ZNF609: variants seen among roughly 807,000 people sequenced by gnomAD.
ZNF609 encodes the protein zinc finger protein 609.
Under a neutral mutation model 109.5 loss-of-function variants are expected in ZNF609, and 11 were observed. That is an observed-to-expected ratio of 0.10 (90% CI 0.06 to 0.17). The LOEUF is 0.17. Among genes scored for constraint, ZNF609 ranks in the 10% least tolerant of loss-of-function variants. ZNF609 has a pLI of 1.00. For missense variants in ZNF609, 1,559 were observed against 1,772.4 expected, an observed-to-expected ratio of 0.88 and a Z score of 2.16; for synonymous variants, 646 against 662.0, an observed-to-expected ratio of 0.98 and a Z score of 0.37.
chr15:64,680,972 C>G, intron 8 of ZNF609, 110 bp downstream of exon 8: 1 of 1,289,330 alleles, frequency 7.8e-7, no homozygotes, highest in South Asian at 1.5e-5. Context: ...TCATAAGAAT[C>G]CTTTTTTAAT....
At chr15:64,578,729 T>G (rs1369327374) in intron 2 of ZNF609, among the ~76,000 whole-genome samples, 1 of 152,140 alleles carries the variant, frequency 6.6e-6, no homozygotes, top group African/African-American at 2.4e-5. Flanking sequence ...CCAGACATGG[T>G]GGCTCAGGCC....
At chr15:64,536,285 G>T (rs927329278) in intron 2 of ZNF609, among the ~76,000 whole-genome samples, 4 of 152,134 alleles carry the variant, frequency 2.6e-5, no homozygotes, top group African/African-American at 9.7e-5. Context: ...GCCTCCCAAA[G>T]TGTTGGGATT....
At chr15:64,504,344 CAGGT>C (rs1356114616) in intron 2 of ZNF609, among the ~76,000 whole-genome samples, 1 of 152,210 alleles carries the variant, frequency 6.6e-6, no homozygotes, top group Non-Finnish European at 1.5e-5. Flanking sequence ...CAGCATCTCA[CAGGT>C]AGTCACTGGC....
chr15:64,599,414 G>A (rs1285610542), intron 2 of ZNF609, among the ~76,000 whole-genome samples: 4 of 151,996 alleles, frequency 2.6e-5, no homozygotes, highest in African/African-American at 9.7e-5. Flanking sequence ...TGCCTGGCAT[G>A]TATCAGTTGC....
chr15:64,594,732 A>G (rs1370309951), intron 2 of ZNF609, among the ~76,000 whole-genome samples: 1 of 151,902 alleles, frequency 6.6e-6, no homozygotes, highest in Non-Finnish European at 1.5e-5. Context: ...GTGATTAGAA[A>G]AGAATGTGTC....
chr15:64,577,980 C>G (rs1895030138), intron 2 of ZNF609, among the ~76,000 whole-genome samples: 1 of 149,544 alleles, frequency 6.7e-6, no homozygotes, highest in Non-Finnish European at 1.5e-5. Flanking sequence ...CATAGTGAAA[C>G]CCACCCCCCT....
intron 2 of ZNF609, among the ~76,000 whole-genome samples, chr15:64,558,217 G>A (rs552801726): frequency 6.6e-6 from 1 of 151,902 alleles, no homozygotes; most frequent in Non-Finnish European, 1.5e-5. Flanking sequence ...ATTGTAATAC[G>A]TACATTTCTC....
At chr15:64,513,227 A>G (rs1893759357) in intron 2 of ZNF609, among the ~76,000 whole-genome samples, 1 of 152,182 alleles carries the variant, frequency 6.6e-6, no homozygotes, top group South Asian at 2.1e-4. Flanking sequence ...AAAACTCATC[A>G]TACAAAGTGA....
chr15:64,550,519 C>A (rs981015416), intron 2 of ZNF609, among the ~76,000 whole-genome samples: 1 of 151,306 alleles, frequency 6.6e-6, no homozygotes, highest in African/African-American at 2.4e-5. Context: ...CATAGCAAGA[C>A]CCTGTTTTTA....
At chr15:64,627,737 C>G (rs763207343) in intron 3 of ZNF609, among the ~76,000 whole-genome samples, 3 of 131,728 alleles carry the variant, frequency 2.3e-5, no homozygotes, top group Non-Finnish European at 4.7e-5. Context: ...ACAACATCAT[C>G]TCTCACTGCA....
In ZNF609 at chr15:64,499,646, C is replaced by A; in HGVS notation, c.227C>A (p.Thr76Asn). 6.2e-7 allele frequency: 1 copy of A among 1,614,092 alleles called. No homozygotes were observed. The highest frequency in any genetic ancestry group is 1.1e-5 in the South Asian group (1 of 91,082). Residue 76 changes from threonine to asparagine, a missense_variant, in exon 2 of 10, where the codon ACC (threonine) becomes AAC (asparagine). Coordinates refer to ENST00000326648, the MANE Select transcript of ZNF609 (RefSeq NM_015042.2). ...CTACCAGACAACATCAAGTTTGTGA[C>A]CCCAGTGCCAGGTCCTCAAGGGAAG... ...ATLPDNIKFVTPVPGPQGKEG... is the reference protein window; with the variant it reads ...ATLPDNIKFVNPVPGPQGKEG...
chr15:64,644,927 C>T (rs1896307751), intron 3 of ZNF609, among the ~76,000 whole-genome samples: 1 of 152,058 alleles, frequency 6.6e-6, no homozygotes, highest in African/African-American at 2.4e-5. Context: ...AGATAATGAG[C>T]TATATCTTCT....
At chr15:64,613,224 G>A (rs889084012) in intron 2 of ZNF609, among the ~76,000 whole-genome samples, 1 of 152,080 alleles carries the variant, frequency 6.6e-6, no homozygotes, top group African/African-American at 2.4e-5. Context: ...GAGAGGCTGA[G>A]GTGGGAGGAT....
chr15:64,473,587 C>T (rs541709022), intron 1 of ZNF609, among the ~76,000 whole-genome samples: 1 of 151,750 alleles, frequency 6.6e-6, no homozygotes. Context: ...GATAGCCTGA[C>T]ATTTAGCCTC....
chr15:64,608,571 A>G (rs1895650745), intron 2 of ZNF609, among the ~76,000 whole-genome samples: 1 of 152,214 alleles, frequency 6.6e-6, no homozygotes, highest in African/African-American at 2.4e-5. Context: ...ACATCACCAC[A>G]TCACCAAAAA....
At chr15:64,676,321 A>G in intron 5 of ZNF609, 65 bp downstream of exon 5, 1 of 1,484,038 alleles carries the variant, frequency 6.7e-7, no homozygotes, top group Non-Finnish European at 9.0e-7. Context: ...CTCACAAATA[A>G]GGGCTGTCCT....
rs578018765 is a variant in ZNF609, at chr15:64,668,912, A to T, written c.974-1434A>T. Among the ~76,000 whole-genome samples, 234 of 138,618 alleles carry T rather than the reference A, an allele frequency of 1.7e-3. 1 individual carries two copies. Among genetic ancestry groups the T allele is most frequent in the Non-Finnish European group, 2.3e-3 (152 of 65,460 alleles). The allele number at this position is 138,618 out of a possible 152,430, so 90.9% of individuals were successfully genotyped here. ...GGTTGCAGTGAGCGGAGATCACACCATTGCACTCCAGCCTGGGCAACAAGA... is the reference window on the plus strand; with the variant it reads ...GGTTGCAGTGAGCGGAGATCACACCTTTGCACTCCAGCCTGGGCAACAAGA... On this transcript the variant is annotated intron_variant, in intron 3 of 9. Transcript: ENST00000326648.
Position 64,676,058 on chromosome 15 carries a change from G to A in ZNF609, c.3204G>A (p.Lys1068=). ...DLVKSGPGKA[K]EPGADPAKSV... ...TGAAATCAGGACCTGGCAAGGCCAA[G>A]GAGCCAGGGGCTGACCCAGCCAAAT... is the stretch of plus-strand genomic sequence containing the variant. The change falls in exon 5 of 10, where the codon AAG becomes AAA. Residue 1068 remains lysine (K), a synonymous_variant. Coordinates refer to ENST00000326648, the MANE Select transcript of ZNF609 (RefSeq NM_015042.2). 6.2e-7 allele frequency: 1 copy of A among 1,614,238 alleles called. No homozygotes were observed. Among genetic ancestry groups the A allele is most frequent in the Non-Finnish European group, 8.5e-7 (1 of 1,180,046 alleles).
intron 1 of ZNF609, among the ~76,000 whole-genome samples, chr15:64,467,877 C>G (rs995700297): frequency 6.6e-6 from 1 of 152,056 alleles, no homozygotes; most frequent in African/African-American, 2.4e-5. Flanking sequence ...TTAAGTAACC[C>G]CTGTACTATA....
Sources: allele counts gnomAD v4.1 joint callset (sites outside exome capture counted in the v4.1 genomes callset), GRCh38; gene constraint gnomAD v4.1.1; transcripts MANE v1.5; gene names NCBI Gene and HGNC (gene_info 2026-07-23, HGNC 2026-07-21).